The following UHRF1 variants were observed in gnomAD, a reference collection of about 807,000 sequenced individuals.
UHRF1 encodes the protein E3 ubiquitin-protein ligase UHRF1.
UHRF1 carries 9 observed loss-of-function variants against 96.5 expected under a neutral mutation model. The ratio of observed to expected loss-of-function variants is 0.09; its 90% CI spans 0.06 to 0.16. UHRF1 has a LOEUF of 0.16. UHRF1 is among the 10% of genes least tolerant of loss of function. The pLI is 1.00. For synonymous variants in UHRF1, 455 were observed against 469.9 expected (o/e 0.97, Z 0.41); for missense variants, 626 against 1,131.1 (o/e 0.55, Z 6.40).
At chr19:4,925,253 G>C (rs577834939) in intron 2 of UHRF1, among the ~76,000 whole-genome samples, 1 of 152,144 alleles carries the variant, frequency 6.6e-6, no homozygotes, top group Non-Finnish European at 1.5e-5. Flanking sequence ...TTGTCACCTT[G>C]AAAGGAAACC....
Position 4,935,812 on chromosome 19 carries a change from C to T in UHRF1, c.785+2856C>T, listed in dbSNP as rs183111809. Reference sequence around the variant, plus strand: ...TTATGGGGAGAAACGCCTACAAATGCGTGGTTGCCAGGAGGTGGGGGTTGT... The same window carrying T: ...TTATGGGGAGAAACGCCTACAAATGTGTGGTTGCCAGGAGGTGGGGGTTGT... On this transcript the variant is annotated intron_variant, in intron 5 of 16. Transcript: ENST00000650932. Among the ~76,000 whole-genome samples the T allele has an allele frequency of 3.3e-5, 5 of 152,234 alleles. No homozygotes were observed. The South Asian group carries it at 6.2e-4, about 19-fold the overall frequency.
chr19:4,954,563 G>A lies in UHRF1; in HGVS notation c.1957+75G>A, dbSNP rs1457893885. The A allele has an allele frequency of 1.6e-5, 25 of 1,586,324 alleles. No individual in the cohort carries two copies. Among genetic ancestry groups the A allele is most frequent in the Non-Finnish European group, 2.1e-5 (24 of 1,164,490 alleles). ...GTGGGCATCTCGCGGGTGTGGGGTT[G>A]AGGTCGTGTGGACGTGGGAGCCGGT... On this transcript the variant is annotated intron_variant, in intron 14 of 16. Transcript: ENST00000650932. The surrounding 1 kb of genome is among the most constrained non-coding windows in gnomAD (Gnocchi z 5.9).
chr19:4,942,235 G>C (rs2033428112), intron 7 of UHRF1, among the ~76,000 whole-genome samples: 1 of 151,494 alleles, frequency 6.6e-6, no homozygotes. Context: ...CTGTCTCCCA[G>C]GCTGGAGTGC....
intron 9 of UHRF1, among the ~76,000 whole-genome samples, chr19:4,944,876 G>A (rs2033516345): frequency 6.6e-6 from 1 of 152,214 alleles, no homozygotes; most frequent in Non-Finnish European, 1.5e-5. Flanking sequence ...GAGCCAGATG[G>A]TTCTCTGGGG....
intron 10 of UHRF1, among the ~76,000 whole-genome samples, chr19:4,946,749 A>T (rs2033577799): frequency 6.6e-6 from 1 of 151,780 alleles, no homozygotes; most frequent in East Asian, 1.9e-4. Context: ...TAATTTTTGT[A>T]TTTTTTTGTG....
chr19:4,919,840 A>G (rs2032646699), intron 2 of UHRF1, among the ~76,000 whole-genome samples: 2 of 150,970 alleles, frequency 1.3e-5, no homozygotes, highest in Non-Finnish European at 3.0e-5. Flanking sequence ...TTTTTGAGAC[A>G]GAGTTTTGCT....
intron 13 of UHRF1, among the ~76,000 whole-genome samples, chr19:4,952,675 C>G (rs1286802344): frequency 6.6e-6 from 1 of 151,998 alleles, no homozygotes; most frequent in Non-Finnish European, 1.5e-5. Flanking sequence ...AGCCGCTGAC[C>G]CTGGCCAGGA....
At chr19:4,922,914 G>C (rs939055323) in intron 2 of UHRF1, among the ~76,000 whole-genome samples, 1 of 152,150 alleles carries the variant, frequency 6.6e-6, no homozygotes, top group Admixed American at 6.5e-5. Flanking sequence ...TCACCTTTCC[G>C]ATGTGGGAAG....
intron 13 of UHRF1, among the ~76,000 whole-genome samples, chr19:4,952,182 T>C (rs2033734359): frequency 6.7e-6 from 1 of 150,028 alleles, no homozygotes; most frequent in African/African-American, 2.5e-5. Context: ...AACCTCTGCC[T>C]CCCAGGTTCA....
rs746016907 is a variant in UHRF1, at chr19:4,954,723, G to C, written c.2031G>C (p.Thr677=). The C allele has an allele frequency of 3.1e-6, 5 of 1,613,766 alleles. No individual in the cohort carries two copies. In the East Asian group the frequency reaches 1.1e-4, roughly 36 times the overall value. Residue 677 remains threonine (T), a synonymous_variant, in exon 15 of 17, where the codon ACG becomes ACC. Coordinates refer to ENST00000650932, the MANE Select transcript of UHRF1 (RefSeq NM_001048201.3). This position sits in a 1 kb window ranked among gnomAD's most constrained non-coding sequence, Gnocchi z 5.9. ...KKTKVEPYSL[T]AQQSSLIRED... ...CCAAGGTGGAGCCCTACAGTCTCAC[G>C]GCCCAGCAGAGCAGCCTCATCAGAG...
At chr19:4,935,594 GC>G (rs1405848744) in intron 5 of UHRF1, among the ~76,000 whole-genome samples, 1 of 151,438 alleles carries the variant, frequency 6.6e-6, no homozygotes, top group Non-Finnish European at 1.5e-5. Context: ...AGTTCCCAGG[GC>G]CCACCTGCAG....
intron 15 of UHRF1, among the ~76,000 whole-genome samples, chr19:4,956,290 A>G (rs564922494): frequency 8.5e-5 from 13 of 152,240 alleles, no homozygotes; most frequent in African/African-American, 2.6e-4. Context: ...GGTCTTGAAC[A>G]CCTGGCTCAA....
chr19:4,951,994 T>C (rs2033730560), intron 13 of UHRF1, among the ~76,000 whole-genome samples: 1 of 152,208 alleles, frequency 6.6e-6, no homozygotes, highest in South Asian at 2.1e-4. Context: ...GGTTGTCTTT[T>C]GAATGGATTT....
In UHRF1 at chr19:4,954,932, A is replaced by C. The variant is rs1272649625; in HGVS notation, c.2130+110A>C. On this transcript the variant is annotated intron_variant, in intron 15 of 16. Transcript: ENST00000650932. The surrounding 1 kb of genome is among the most constrained non-coding windows in gnomAD (Gnocchi z 5.9). ...TCAAGTGTACAGCTCAGTCGCACTG[A>C]GTACATTCTTGTGGTTGTGCAACCA... 2.2e-6 allele frequency: 3 copies of C among 1,364,128 alleles called. No homozygotes were observed. Among genetic ancestry groups the C allele is most frequent in the Non-Finnish European group, 3.0e-6 (3 of 985,360 alleles). The allele number at this position is 1,364,128 out of a possible 1,614,324, so 84.5% of individuals were successfully genotyped here.
At chr19:4,950,313 G>A (rs1394866569) in intron 11 of UHRF1, among the ~76,000 whole-genome samples, 1 of 149,978 alleles carries the variant, frequency 6.7e-6, no homozygotes, top group Non-Finnish European at 1.5e-5. Flanking sequence ...GCATAATCTC[G>A]GCTCACTGCA....
intron 2 of UHRF1, among the ~76,000 whole-genome samples, chr19:4,918,180 C>T (rs1300418882): frequency 2.6e-5 from 4 of 151,904 alleles, no homozygotes; most frequent in Non-Finnish European, 5.9e-5. Flanking sequence ...AGTGCAGTGG[C>T]GTGATCTTGG....
chr19:4,956,746 A>G lies in UHRF1; in HGVS notation c.2168A>G (p.Gln723Arg), dbSNP rs1359901685. The G allele has an allele frequency of 4.3e-6, 7 of 1,612,454 alleles. No individual in the cohort carries two copies. Among genetic ancestry groups the G allele is most frequent in the Non-Finnish European group, 5.9e-6 (7 of 1,179,324 alleles). Residue 723 changes from glutamine to arginine, a missense_variant, in exon 16 of 17, where the codon CAG becomes CGG. By Grantham distance (43) the Gln-to-Arg change is conservative. This residue lies in a region of UHRF1 where 84 missense variants were observed against 150.3 expected (regional missense o/e 0.56). Transcript: ENST00000650932. ...CTGAGTAAAGTGGAGGAGACGTTCC[A>G]GTGTATCTGCTGTCAGGAGCTGGTG... ...LFLSKVEETF[Q>R]CICCQELVFR...
chr19:4,927,708 T>C (rs2032918384), intron 2 of UHRF1, among the ~76,000 whole-genome samples: 1 of 152,214 alleles, frequency 6.6e-6, no homozygotes, highest in South Asian at 2.1e-4. Flanking sequence ...GTTGTTGTCA[T>C]GACTGGTGGA....
chr19:4,933,678 G>T (rs1442361582), intron 5 of UHRF1, among the ~76,000 whole-genome samples: 1 of 152,098 alleles, frequency 6.6e-6, no homozygotes, highest in African/African-American at 2.4e-5. Context: ...ACTTTCCAGG[G>T]ACATTCTGTT....
Sources: gnomAD v4.1 joint callset for allele counts (sites outside exome capture counted in the v4.1 genomes callset) on GRCh38, gnomAD v4.1.1 for gene constraint, gnomAD v4.1.1 regional missense constraint, Gnocchi (gnomAD v3.1) non-coding constraint, MANE v1.5 for transcripts, NCBI Gene and HGNC (gene_info 2026-07-23, HGNC 2026-07-21) for gene names.